The following SPAG16 variants were observed in gnomAD, a reference collection of about 807,000 sequenced individuals.
SPAG16 encodes the protein sperm associated antigen 16, also known as sperm-associated antigen 16 protein.
A neutral mutation model predicts 80.4 loss-of-function variants in SPAG16; 86 were observed. That is an observed-to-expected ratio of 1.07 (90% CI 0.90 to 1.28). SPAG16 has a LOEUF of 1.28. Ranked by LOEUF, SPAG16 falls within the 50% of genes most tolerant of loss-of-function variation. The probability of loss-of-function intolerance (pLI) is 0.00; values close to 1 mark genes in which losing one functional copy is unlikely to be tolerated. For missense variants in SPAG16, 870 were observed against 765.3 expected (o/e 1.14, Z -1.61); for synonymous variants, 294 against 265.9 (o/e 1.11, Z -1.03).
intron 10 of SPAG16, among the ~76,000 whole-genome samples, chr2:213,650,925 G>A (rs893100874): frequency 1.3e-5 from 2 of 152,138 alleles, no homozygotes; most frequent in Non-Finnish European, 2.9e-5. Context: ...CTGTGAGTTA[G>A]GAAATTCAAT....
chr2:213,865,561 G>T (rs916034847), intron 11 of SPAG16, among the ~76,000 whole-genome samples: 1 of 150,114 alleles, frequency 6.7e-6, no homozygotes, highest in Non-Finnish European at 1.5e-5. Flanking sequence ...AAAAAACAAT[G>T]AAATAAAAAA....
intron 13 of SPAG16, among the ~76,000 whole-genome samples, chr2:214,100,354 T>C (rs2052921733): frequency 6.6e-6 from 1 of 152,124 alleles, no homozygotes; most frequent in Non-Finnish European, 1.5e-5. Context: ...AAGGCATTTT[T>C]TTTGTTTTCT....
chr2:213,567,499 T>TG (rs2059816177), intron 10 of SPAG16, among the ~76,000 whole-genome samples: 1 of 119,780 alleles, frequency 8.3e-6, no homozygotes, highest in Non-Finnish European at 1.6e-5. Flanking sequence ...TTTTTGTTCT[T>TG]GCGATAGTTT....
At chr2:214,063,948 A>C (rs2050407979) in intron 13 of SPAG16, among the ~76,000 whole-genome samples, 1 of 152,138 alleles carries the variant, frequency 6.6e-6, no homozygotes, top group African/African-American at 2.4e-5. Context: ...CATAATCTCT[A>C]TTCCATAGAA....
chr2:213,948,423 G>A (rs573022516), intron 12 of SPAG16, among the ~76,000 whole-genome samples: 6 of 152,246 alleles, frequency 3.9e-5, no homozygotes, highest in South Asian at 4.1e-4. Context: ...CTATTTGCTC[G>A]TATTTGGAAT....
intron 15 of SPAG16, among the ~76,000 whole-genome samples, chr2:214,280,049 C>G (rs566177081): frequency 6.6e-6 from 1 of 152,080 alleles, no homozygotes; most frequent in Admixed American, 6.6e-5. Flanking sequence ...ATGACACCAA[C>G]GATCACTTTA....
At chr2:213,616,077 T>G (rs2061586507) in intron 10 of SPAG16, among the ~76,000 whole-genome samples, 1 of 152,066 alleles carries the variant, frequency 6.6e-6, no homozygotes, top group Non-Finnish European at 1.5e-5. Flanking sequence ...ACAAAAGAAA[T>G]TAATCCATTT....
At position 213,657,176 on chromosome 2, in the gene SPAG16, T is replaced by G. The variant is rs191861610; in HGVS notation, c.1070+167086T>G. Among the ~76,000 whole-genome samples the G allele has an allele frequency of 5.4e-4, 83 of 152,320 alleles. No homozygotes were observed. In the East Asian group the frequency reaches 0.016, roughly 29 times the overall value. On this transcript the variant is annotated intron_variant, in intron 10 of 15. Coordinates refer to ENST00000331683, the MANE Select transcript of SPAG16 (RefSeq NM_024532.5). ...CTATTTCCATATCAAGTTTTATTCA[T>G]GTTAAAAACTTAAAATTAATGGATT...
chr2:214,282,021 C>T (rs1300785763), intron 15 of SPAG16, among the ~76,000 whole-genome samples: 5 of 152,138 alleles, frequency 3.3e-5, no homozygotes, highest in Admixed American at 3.3e-4. Context: ...GGGTTCTAAT[C>T]TCTCATTATA....
chr2:214,291,812 G>T (rs1693825012), intron 15 of SPAG16, among the ~76,000 whole-genome samples: 1 of 151,996 alleles, frequency 6.6e-6, no homozygotes, highest in Non-Finnish European at 1.5e-5. Flanking sequence ...TACAATTTGG[G>T]TTGTATCTCT....
chr2:213,807,553 A>G (rs920630453), intron 10 of SPAG16, among the ~76,000 whole-genome samples: 4 of 152,164 alleles, frequency 2.6e-5, no homozygotes, highest in African/African-American at 4.8e-5. Context: ...GGCTAGGCAC[A>G]ATGTTTTACC....
At chr2:213,338,451 G>A (rs982128050) in intron 5 of SPAG16, among the ~76,000 whole-genome samples, 1 of 152,202 alleles carries the variant, frequency 6.6e-6, no homozygotes, top group African/African-American at 2.4e-5. Flanking sequence ...TCATTGGTGT[G>A]CTGTATTCAA....
At chr2:213,742,029 C>G (rs955490845) in intron 10 of SPAG16, among the ~76,000 whole-genome samples, 6 of 151,602 alleles carry the variant, frequency 4.0e-5, no homozygotes, top group Admixed American at 1.3e-4. Flanking sequence ...ATCTAGTTCT[C>G]ATTTGTTTTT....
At position 214,056,489 on chromosome 2, in the gene SPAG16, T is replaced by A. The variant is rs1050769133; in HGVS notation, c.1527+42412T>A. ...TAAGTGTGCAATGAAATTATTTTTT[T>A]AAAAAATGAGCATTCCTTAATTTAA... On this transcript the variant is annotated intron_variant, in intron 13 of 15. Coordinates refer to ENST00000331683, the MANE Select transcript of SPAG16 (RefSeq NM_024532.5). 2.1e-4 allele frequency among the ~76,000 whole-genome samples: 31 copies of A among 150,810 alleles called. No individual in the cohort carries two copies. In the East Asian group the frequency reaches 3.5e-3, roughly 17 times the overall value.
intron 10 of SPAG16, among the ~76,000 whole-genome samples, chr2:213,809,248 T>C (rs2071968486): frequency 2.0e-5 from 3 of 152,138 alleles, no homozygotes; most frequent in Admixed American, 2.0e-4. Flanking sequence ...GGAAGCTAGA[T>C]ATTCTCTATC....
At chr2:213,525,284 C>CT (rs71060436) in intron 10 of SPAG16, among the ~76,000 whole-genome samples, 28,959 of 100,710 alleles carry the variant, frequency 0.29, 5,231 homozygotes, top group Non-Finnish European at 0.36. Context: ...TTTTCCTTTT[C>CT]TTTTTTTTTT....
chr2:213,804,644 C>A (rs966365292), intron 10 of SPAG16, among the ~76,000 whole-genome samples: 1 of 152,204 alleles, frequency 6.6e-6, no homozygotes, highest in African/African-American at 2.4e-5. Flanking sequence ...GATCGCGCCA[C>A]TGCAGTCCAG....
At chr2:214,102,109 G>GTTTTTTTTTTTTTTTTTTTTTTTTTTTTT (rs763808594) in intron 13 of SPAG16, among the ~76,000 whole-genome samples, 1 of 96,606 alleles carries the variant, frequency 1.0e-5, no homozygotes, top group Non-Finnish European at 2.2e-5. Flanking sequence ...GGTGAGGGTG[G>GTTTTTTTTTTTTTTTTTTTTTTTTTTTTT]TTTTTTGTTT....
chr2:213,875,247 G>A (rs1288414809), intron 11 of SPAG16, among the ~76,000 whole-genome samples: 1 of 151,924 alleles, frequency 6.6e-6, no homozygotes, highest in Non-Finnish European at 1.5e-5. Context: ...AATTATATGG[G>A]AACTCTACAT....
Sources: allele counts gnomAD v4.1 joint callset (sites outside exome capture counted in the v4.1 genomes callset), GRCh38; gene constraint gnomAD v4.1.1; transcripts MANE v1.5; gene names NCBI Gene and HGNC (gene_info 2026-07-23, HGNC 2026-07-21).